BRWD1: variants seen among roughly 807,000 people sequenced by gnomAD.
BRWD1 encodes the protein bromodomain and WD repeat-containing protein 1.
A neutral mutation model predicts 251.2 loss-of-function variants in BRWD1; 82 were observed. That is an observed-to-expected ratio of 0.33 (90% CI 0.27 to 0.39). BRWD1 has a LOEUF of 0.39. Among genes scored for constraint, BRWD1 ranks in the 10% least tolerant of loss-of-function variants. The pLI is 1.00. For synonymous variants in BRWD1, 918 were observed against 902.8 expected (o/e 1.02, Z -0.30); for missense variants, 2,233 against 2,711.6 (o/e 0.82, Z 3.92).
chr21:39,221,065 G>A (rs1450672452), intron 29 of BRWD1, among the ~76,000 whole-genome samples: 1 of 149,086 alleles, frequency 6.7e-6, no homozygotes, highest in African/African-American at 2.5e-5. Context: ...TGAGGCAAGA[G>A]AATCACTTGA....
chr21:39,286,889 T>G (rs1328819935), intron 8 of BRWD1, among the ~76,000 whole-genome samples: 1 of 152,202 alleles, frequency 6.6e-6, no homozygotes, highest in Non-Finnish European at 1.5e-5. Context: ...CTGCAAATAC[T>G]TAATTTTGTA....
intron 17 of BRWD1, among the ~76,000 whole-genome samples, chr21:39,259,450 C>A (rs554893151): frequency 6.8e-5 from 10 of 148,022 alleles, no homozygotes; most frequent in Admixed American, 6.8e-5. Flanking sequence ...ACCACCATGC[C>A]CGGCTAATTT....
Position 39,193,759 on chromosome 21 carries a change from C to A in BRWD1, c.*2500G>T, listed in dbSNP as rs1226343429. ...CCCTAAACATTAAAGTACACCTGTG[C>A]ATTAAATCCCTGGGCATTTTGCATA... On this transcript the variant is annotated 3_prime_UTR_variant, in exon 41 of 41. Coordinates refer to ENST00000342449, the MANE Select transcript of BRWD1 (RefSeq NM_033656.4). 1 of 985,374 alleles carries A rather than the reference C, an allele frequency of 1.0e-6. No homozygotes were observed. The highest frequency in any genetic ancestry group is 1.7e-5 in the African/African-American group (1 of 57,186). 61.0% of individuals were successfully genotyped at this position (985,374 alleles called of 1,614,324 possible). A position where few individuals can be genotyped will look rare whatever the true frequency, so the allele number is the denominator to read the frequency against.
intron 21 of BRWD1, among the ~76,000 whole-genome samples, chr21:39,243,419 A>G (rs1352747786): frequency 6.6e-6 from 1 of 152,162 alleles, no homozygotes; most frequent in African/African-American, 2.4e-5. Flanking sequence ...CAGATCTGAT[A>G]ATGACATTAT....
In BRWD1 at chr21:39,196,735, T is replaced by C; in HGVS notation, c.6334A>G (p.Thr2112Ala). The change falls in exon 41 of 41, where the codon ACA becomes GCA. Residue 2112 changes from threonine (T) to alanine (A), a missense_variant. Coordinates refer to ENST00000342449, the MANE Select transcript of BRWD1 (RefSeq NM_033656.4). ...RTYGKAPFSK[T>A]KVIHDSQETA... The stretch of plus-strand genomic sequence containing the variant: ...TCCTGTGAATCATGAATCACTTTTG[T>C]CTTACTAAAAGGAGCCTTTCCATAG... The C allele has an allele frequency of 6.2e-7, 1 of 1,613,776 alleles. No homozygotes were observed. Among genetic ancestry groups the C allele is most frequent in the Non-Finnish European group, 8.5e-7 (1 of 1,179,888 alleles).
chr21:39,320,484 A>AC (rs2036736513), intron 1 of BRWD1, among the ~76,000 whole-genome samples: 1 of 151,788 alleles, frequency 6.6e-6, no homozygotes, highest in African/African-American at 2.4e-5. Flanking sequence ...ACAGGCACCC[A>AC]CCACCACAAC....
chr21:39,207,649 T>C (rs1370527494), intron 36 of BRWD1, among the ~76,000 whole-genome samples: 6 of 152,142 alleles, frequency 3.9e-5, no homozygotes, highest in Non-Finnish European at 1.5e-5. Flanking sequence ...ATTCTACTCT[T>C]AGGTCTATAC....
In BRWD1 at chr21:39,192,766, A is replaced by T; in HGVS notation, c.*3493T>A. 1 of 985,180 alleles carries T rather than the reference A, an allele frequency of 1.0e-6. No homozygotes were observed. Among genetic ancestry groups the T allele is most frequent in the Middle Eastern group, 5.2e-4 (1 of 1,914 alleles). The allele number at this position is 985,180 out of a possible 1,614,324, so 61.0% of individuals were successfully genotyped here. A position where few individuals can be genotyped will look rare whatever the true frequency, so the allele number is the denominator to read the frequency against. On this transcript the variant is annotated 3_prime_UTR_variant, in exon 41 of 41. Coordinates refer to ENST00000342449, the MANE Select transcript of BRWD1 (RefSeq NM_033656.4). ...TGGAGTGGAAAGGAAAACAAAAAAG[A>T]TCGTAAGCACCTTTAACAATGTTCT...
intron 29 of BRWD1, among the ~76,000 whole-genome samples, chr21:39,222,646 A>G (rs949320585): frequency 6.6e-6 from 1 of 152,198 alleles, no homozygotes; most frequent in Non-Finnish European, 1.5e-5. Flanking sequence ...AATATAAATA[A>G]ATGGGAAAGG....
Position 39,191,623 on chromosome 21 carries a change from T to G in BRWD1, c.*4636A>C. ...GTTGCAGTCCAAGGACTGATTCACA[T>G]TTAGAAAATTAACTTGAATATATCA... On this transcript the variant is annotated 3_prime_UTR_variant, in exon 41 of 41. Transcript: ENST00000342449. 1.0e-6 allele frequency: 1 copy of G among 984,808 alleles called. No individual in the cohort carries two copies. Among genetic ancestry groups the G allele is most frequent in the Non-Finnish European group, 1.2e-6 (1 of 829,414 alleles). 61.0% of individuals were successfully genotyped at this position (984,808 alleles called of 1,614,324 possible). A position where few individuals can be genotyped will look rare whatever the true frequency, so the allele number is the denominator to read the frequency against.
intron 4 of BRWD1, 50 bp downstream of exon 4, chr21:39,312,791 C>T (rs771169818): frequency 2.7e-6 from 4 of 1,458,620 alleles, no homozygotes; most frequent in East Asian, 2.5e-5. Context: ...GGGGCGGGGG[C>T]GGGGGGCGGT....
intron 23 of BRWD1, chr21:39,235,274 C>G (rs556890118): frequency 3.9e-5 from 6 of 152,206 alleles, no homozygotes; most frequent in Non-Finnish European, 7.4e-5. Flanking sequence ...ATAAATAAAT[C>G]ACAGCGATGG....
chr21:39,241,473 T>TAAAAAAAAAAAAAAAAAA (rs61488970), intron 21 of BRWD1, among the ~76,000 whole-genome samples: 2 of 44,920 alleles, frequency 4.5e-5, no homozygotes, highest in East Asian at 1.6e-3. Context: ...ATCTCCAAAG[T>TAAAAAAAAAAAAAAAAAA]AAAAAAAAAA....
In BRWD1 at chr21:39,264,520, G is replaced by A; in HGVS notation, c.1825C>T (p.Pro609Ser). Residue 609 changes from proline to serine, a missense_variant, in exon 17 of 41, where the codon CCA (proline) becomes TCA (serine). Around this residue, in one of 12 missense-constraint regions of BRWD1, gnomAD observed 315 missense variants for 421.8 expected, o/e 0.75. Transcript: ENST00000342449. ...PHPTKYQRLV[P>S]GRENSADEHL... Reference sequence around the variant, plus strand: ...TCATCTGCAGAATTTTCTCGGCCTGGTACTAATCTCTGATACTTGGTTGGA... The same window carrying A: ...TCATCTGCAGAATTTTCTCGGCCTGATACTAATCTCTGATACTTGGTTGGA... 2.5e-6 allele frequency: 4 copies of A among 1,613,116 alleles called. No homozygotes were observed. The highest frequency in any genetic ancestry group is 1.1e-5 in the South Asian group (1 of 90,960).
At chr21:39,286,271 G>T (rs2035636036) in intron 8 of BRWD1, among the ~76,000 whole-genome samples, 2 of 152,040 alleles carry the variant, frequency 1.3e-5, no homozygotes, top group Admixed American at 1.3e-4. Context: ...GCCCGCCTCG[G>T]CCTCCCAAAG....
chr21:39,312,363 A>G (rs2036515107), intron 4 of BRWD1, among the ~76,000 whole-genome samples: 1 of 152,256 alleles, frequency 6.6e-6, no homozygotes. Context: ...AAAACAAAAA[A>G]TAAAAAGCTC....
chr21:39,242,496 T>C (rs1204225636), intron 21 of BRWD1, among the ~76,000 whole-genome samples: 1 of 152,184 alleles, frequency 6.6e-6, no homozygotes, highest in Non-Finnish European at 1.5e-5. Context: ...AAGCAGCAAG[T>C]GCTTTAATGG....
Position 39,190,065 on chromosome 21 carries a change from C to T in BRWD1, c.*6194G>A. 3.0e-6 allele frequency: 3 copies of T among 985,316 alleles called. No individual in the cohort carries two copies. Among genetic ancestry groups the T allele is most frequent in the Non-Finnish European group, 3.6e-6 (3 of 829,890 alleles). 61.0% of individuals were successfully genotyped at this position (985,316 alleles called of 1,614,324 possible). On this transcript the variant is annotated 3_prime_UTR_variant, in exon 41 of 41. Transcript: ENST00000342449. ...AAACTGTACATCTGTAGTAGCACTC[C>T]ATGATCATTTCCCTGGATGACCACT...
At chr21:39,313,797 A>AAGTGACGCGGAGGCAAAGACCTGG (rs1014849131), upstream of BRWD1, 1 of 368,676 alleles carries the variant, frequency 2.7e-6, no homozygotes, top group Non-Finnish European at 5.0e-6. Context: ...GATGAGGAGA[A>AAGTGACGCGGAGGCAAAGACCTGG]AGTGACGCGG....
Sources: gnomAD v4.1 joint callset for allele counts (sites outside exome capture counted in the v4.1 genomes callset) on GRCh38, gnomAD v4.1.1 for gene constraint, gnomAD v4.1.1 regional missense constraint, MANE v1.5 for transcripts, NCBI Gene and HGNC (gene_info 2026-07-23, HGNC 2026-07-21) for gene names.